DPP10: variants seen among roughly 807,000 people sequenced by gnomAD.
DPP10 encodes dipeptidyl peptidase like 10.
DPP10 carries 33 observed loss-of-function variants against 120.9 expected under a neutral mutation model. That is an observed-to-expected ratio of 0.27 (90% confidence interval 0.21 to 0.37). The LOEUF (loss-of-function observed/expected upper bound fraction) is 0.37, where lower values mean the gene tolerates loss of function less well. DPP10 is among the 10% of genes least tolerant of loss of function. DPP10 has a pLI of 1.00. For synonymous variants in DPP10, 337 were observed against 326.1 expected, an observed-to-expected ratio of 1.03 and a Z score of -0.36; for missense variants, 816 against 942.8, an observed-to-expected ratio of 0.87 and a Z score of 1.76.
At chr2:115,186,342 G>A (rs992005661) in intron 1 of DPP10, among the ~76,000 whole-genome samples, 1 of 152,188 alleles carries the variant, frequency 6.6e-6, no homozygotes, top group African/African-American at 2.4e-5. Flanking sequence ...ACCAGGAATT[G>A]TGCTAATTGC....
At chr2:115,064,065 G>A (rs11897597) in intron 1 of DPP10, among the ~76,000 whole-genome samples, 40,283 of 151,756 alleles carry the variant, frequency 0.27, 5,723 homozygotes, top group East Asian at 0.32. Flanking sequence ...TTATATTGTC[G>A]AATTTTTAAC....
chr2:114,599,478 T>C (rs1260552722), intron 1 of DPP10, among the ~76,000 whole-genome samples: 1 of 151,912 alleles, frequency 6.6e-6, no homozygotes, highest in East Asian at 1.9e-4. Flanking sequence ...AGTGATATAG[T>C]ACATACTTGT....
At chr2:115,067,805 T>C (rs1707024461) in intron 1 of DPP10, among the ~76,000 whole-genome samples, 1 of 134,942 alleles carries the variant, frequency 7.4e-6, no homozygotes, top group African/African-American at 2.8e-5. Flanking sequence ...GAGCTTGCAG[T>C]GAGCTGAGAT....
intron 3 of DPP10, among the ~76,000 whole-genome samples, chr2:115,414,300 G>A (rs2069192080): frequency 6.6e-6 from 1 of 152,086 alleles, no homozygotes; most frequent in Non-Finnish European, 1.5e-5. Context: ...AAAAATGTCT[G>A]CGACAGAGCC....
chr2:114,737,747 C>G (rs1677595400), intron 1 of DPP10, among the ~76,000 whole-genome samples: 1 of 152,198 alleles, frequency 6.6e-6, no homozygotes, highest in African/African-American at 2.4e-5. Flanking sequence ...TCAGTTCTGT[C>G]AAGGTTTAGC....
At chr2:115,453,514 AC>A (rs2073288922) in intron 3 of DPP10, among the ~76,000 whole-genome samples, 1 of 151,708 alleles carries the variant, frequency 6.6e-6, no homozygotes, top group Non-Finnish European at 1.5e-5. Context: ...AATTTGGGAA[AC>A]CCTGAAGTAT....
chr2:114,859,369 A>C (rs1167941528), intron 1 of DPP10, among the ~76,000 whole-genome samples: 2 of 145,704 alleles, frequency 1.4e-5, no homozygotes, highest in East Asian at 4.0e-4. Context: ...ACTCCGTCAA[A>C]AAAAAAAAAA....
At chr2:115,364,174 T>A (rs1293643370) in intron 3 of DPP10, among the ~76,000 whole-genome samples, 1 of 152,142 alleles carries the variant, frequency 6.6e-6, no homozygotes, top group Admixed American at 6.6e-5. Flanking sequence ...TTTGGCCAAC[T>A]TTTTTCACCA....
intron 2 of DPP10, among the ~76,000 whole-genome samples, chr2:115,334,513 G>A (rs939220428): frequency 1.3e-5 from 2 of 151,368 alleles, no homozygotes; most frequent in African/African-American, 4.8e-5. Flanking sequence ...TTATATTTTG[G>A]AACTTATAAA....
intron 5 of DPP10, among the ~76,000 whole-genome samples, chr2:115,565,585 T>C (rs899982355): frequency 2.0e-5 from 3 of 152,152 alleles, no homozygotes; most frequent in Admixed American, 6.5e-5. Flanking sequence ...ATTCACACAG[T>C]ACTTTTATAT....
At chr2:115,661,290 T>G (rs2088952382) in intron 5 of DPP10, among the ~76,000 whole-genome samples, 1 of 152,082 alleles carries the variant, frequency 6.6e-6, no homozygotes, top group African/African-American at 2.4e-5. Context: ...ATTAAATTGG[T>G]TTCCCATCAT....
At chr2:115,374,021 C>G (rs2065606095) in intron 3 of DPP10, among the ~76,000 whole-genome samples, 1 of 152,030 alleles carries the variant, frequency 6.6e-6, no homozygotes, top group African/African-American at 2.4e-5. Flanking sequence ...TCCCACCAGG[C>G]CTCTCTTGCA....
intron 5 of DPP10, among the ~76,000 whole-genome samples, chr2:115,683,510 C>A (rs528308175): frequency 6.6e-6 from 1 of 151,574 alleles, no homozygotes; most frequent in Middle Eastern, 3.2e-3. Flanking sequence ...GTGACAATGG[C>A]GTGTTGATAT....
chr2:115,223,109 A>G (rs1304345182), intron 1 of DPP10, among the ~76,000 whole-genome samples: 3 of 152,158 alleles, frequency 2.0e-5, no homozygotes, highest in African/African-American at 4.8e-5. Flanking sequence ...CAGCTAAGTA[A>G]GAAAGCCAGT....
At chr2:115,385,509 C>T (rs1013380118) in intron 3 of DPP10, among the ~76,000 whole-genome samples, 3 of 152,182 alleles carry the variant, frequency 2.0e-5, no homozygotes, top group Non-Finnish European at 1.5e-5. Flanking sequence ...GCGCCCGCCA[C>T]CATGCTCGGC....
At chr2:115,560,481 G>A (rs79290626) in intron 5 of DPP10, among the ~76,000 whole-genome samples, 54,619 of 113,208 alleles carry the variant, frequency 0.48, 16,309 homozygotes, top group Middle Eastern at 0.68. Context: ...AGGAGGAGAC[G>A]GGGGAAGTAT....
intron 7 of DPP10, among the ~76,000 whole-genome samples, chr2:115,716,576 T>G (rs942433272): frequency 2.6e-5 from 4 of 152,168 alleles, no homozygotes; most frequent in African/African-American, 9.7e-5. Context: ...TTTAAGTTCA[T>G]AAGAATACTA....
At chr2:114,769,819 T>C (rs1040213636) in intron 1 of DPP10, among the ~76,000 whole-genome samples, 3 of 152,150 alleles carry the variant, frequency 2.0e-5, no homozygotes, top group African/African-American at 4.8e-5. Flanking sequence ...ACAAATGTCT[T>C]TTTATCTTTC....
intron 1 of DPP10, among the ~76,000 whole-genome samples, chr2:115,187,837 C>A (rs1159360270): frequency 2.6e-5 from 4 of 151,936 alleles, no homozygotes; most frequent in Admixed American, 6.6e-5. Flanking sequence ...CCCATCTCTA[C>A]ACAAAATAAG....
Sources: allele counts gnomAD v4.1 joint callset (sites outside exome capture counted in the v4.1 genomes callset), GRCh38; gene constraint gnomAD v4.1.1; transcripts MANE v1.5; gene names NCBI Gene and HGNC (gene_info 2026-07-23, HGNC 2026-07-21).